The following HMG20A variants were observed in gnomAD, a reference collection of about 807,000 sequenced individuals.
HMG20A encodes high mobility group protein 20A.
A neutral mutation model predicts 43.9 loss-of-function variants in HMG20A; 17 were observed. That is an observed-to-expected ratio of 0.39 (90% CI 0.27 to 0.58). The LOEUF is 0.58. Among genes scored for constraint, HMG20A ranks in the 20% least tolerant of loss-of-function variants. HMG20A has a pLI of 0.59. For synonymous variants in HMG20A, 132 were observed against 147.5 expected, an observed-to-expected ratio of 0.89 and a Z score of 0.76; for missense variants, 341 against 438.2, an observed-to-expected ratio of 0.78 and a Z score of 1.98.
chr15:77,463,092 C>T (rs1408685923), intron 2 of HMG20A, among the ~76,000 whole-genome samples: 3 of 152,002 alleles, frequency 2.0e-5, no homozygotes, highest in Admixed American at 6.5e-5. Context: ...TTAAGTATCT[C>T]TTAACTGTCC....
chr15:77,509,555 CGTGTGT>C, the HMG20A span, among the ~76,000 whole-genome samples: 33,517 of 115,026 alleles, frequency 0.29, 5,054 homozygotes, highest in Middle Eastern at 0.34. Context: ...TGTGCCCAGC[CGTGTGT>C]GTGTGTGTGT....
chr15:77,429,412 T>A (rs1251198440), intron 1 of HMG20A, among the ~76,000 whole-genome samples: 1 of 152,012 alleles, frequency 6.6e-6, no homozygotes, highest in Admixed American at 6.6e-5. Context: ...TATCTCCTTT[T>A]TTTCCCCCAT....
At chr15:77,431,546 A>G (rs1374592714) in intron 1 of HMG20A, among the ~76,000 whole-genome samples, 2 of 152,006 alleles carry the variant, frequency 1.3e-5, no homozygotes, top group East Asian at 1.9e-4. Flanking sequence ...CAAAAATTAT[A>G]TGTATTTATC....
the HMG20A span, among the ~76,000 whole-genome samples, chr15:77,495,031 TG>T: frequency 6.6e-6 from 1 of 152,228 alleles, no homozygotes; most frequent in Admixed American, 6.5e-5. Flanking sequence ...GCATCGAATC[TG>T]AAAATGAAGT....
chr15:77,463,481 CA>C (rs1362922350), intron 2 of HMG20A, among the ~76,000 whole-genome samples: 1 of 152,128 alleles, frequency 6.6e-6, no homozygotes, highest in African/African-American at 2.4e-5. Flanking sequence ...CGATCAAAAA[CA>C]AAAACAAAAA....
rs1368371153 is a variant in HMG20A, at chr15:77,451,214, C to T, written c.-4-7190C>T. On this transcript the variant is annotated intron_variant, in intron 1 of 9. Transcript: ENST00000336216. Reference sequence around the variant, plus strand: ...GTTTTGGCAATTATGAATAAAGCTACTATAAACATCTGTGTGCAGGTTTTT... The same window carrying T: ...GTTTTGGCAATTATGAATAAAGCTATTATAAACATCTGTGTGCAGGTTTTT... 2.0e-5 allele frequency among the ~76,000 whole-genome samples: 3 copies of T among 152,186 alleles called. No homozygotes were observed. In the East Asian group the frequency reaches 5.8e-4, roughly 29 times the overall value.
chr15:77,470,599 A>T (rs888305377), intron 4 of HMG20A, among the ~76,000 whole-genome samples: 3 of 152,234 alleles, frequency 2.0e-5, no homozygotes. Context: ...CTATCTATAG[A>T]GTTAGAAGAA....
the HMG20A span, among the ~76,000 whole-genome samples, chr15:77,507,550 G>C: frequency 2.0e-5 from 3 of 152,212 alleles, no homozygotes; most frequent in African/African-American, 7.2e-5. Context: ...GAAGTGGGAC[G>C]CAAGCAAAGA....
At chr15:77,464,530 G>T (rs901180333) in intron 3 of HMG20A, 143 bp downstream of exon 3, 31 of 634,996 alleles carry the variant, frequency 4.9e-5, no homozygotes, top group Admixed American at 9.1e-5. Context: ...TCTATTTCTT[G>T]TTTTATACGG....
At chr15:77,467,679 C>T (rs1164915518) in intron 4 of HMG20A, among the ~76,000 whole-genome samples, 4 of 152,180 alleles carry the variant, frequency 2.6e-5, no homozygotes, top group Non-Finnish European at 5.9e-5. Flanking sequence ...CACAATTCTG[C>T]AGTTCACATA....
At chr15:77,465,104 T>C (rs891120738) in intron 3 of HMG20A, among the ~76,000 whole-genome samples, 1 of 151,392 alleles carries the variant, frequency 6.6e-6, no homozygotes, top group African/African-American at 2.4e-5. Flanking sequence ...TACTAAAAAA[T>C]ACAAAAAATT....
rs1339938949 is a variant in HMG20A at position 77,478,426 on chromosome 15, C to T, written c.823C>T (p.Arg275Trp). 3 of 1,612,728 alleles carry T rather than the reference C, an allele frequency of 1.9e-6. No individual in the cohort carries two copies. Among genetic ancestry groups the T allele is most frequent in the Non-Finnish European group, 1.7e-6 (2 of 1,180,048 alleles). ...GCTGGAGGTGGATGTGATCCAGGAG[C>T]GGAGCCGCAACACAGTCTTACAGCA... ...EKLEVDVIQE[R>W]SRNTVLQQHL... Residue 275 changes from arginine (R) to tryptophan (W), a missense_variant, in exon 8 of 10, where the codon CGG becomes TGG. By Grantham distance (101) the Arg-to-Trp change is moderately radical. Around this residue, in one of 3 missense-constraint regions of HMG20A, gnomAD observed 118 missense variants for 154.5 expected, o/e 0.76. Coordinates refer to ENST00000336216, the MANE Select transcript of HMG20A (RefSeq NM_001304504.2).
chr15:77,465,992 T>A (rs2072753606), intron 3 of HMG20A, among the ~76,000 whole-genome samples: 3 of 152,230 alleles, frequency 2.0e-5, no homozygotes, highest in Admixed American at 2.0e-4. Flanking sequence ...ACATCAGTGG[T>A]ACCTCAGTCC....
the HMG20A span, among the ~76,000 whole-genome samples, chr15:77,510,725 T>G: frequency 6.6e-6 from 1 of 152,150 alleles, no homozygotes; most frequent in Non-Finnish European, 1.5e-5. Context: ...CTTGGGAGTG[T>G]GGAGGCTGAG....
the HMG20A span, among the ~76,000 whole-genome samples, chr15:77,506,077 A>C: frequency 4.8e-5 from 7 of 145,442 alleles, no homozygotes; most frequent in Non-Finnish European, 1.0e-4. Context: ...AGTTAGCAAA[A>C]AAAAAAAAAA....
At chr15:77,461,688 C>T (rs1253055183) in intron 2 of HMG20A, among the ~76,000 whole-genome samples, 1 of 152,096 alleles carries the variant, frequency 6.6e-6, no homozygotes, top group Non-Finnish European at 1.5e-5. Context: ...ATTGTGAATT[C>T]CCATGTGAAT....
chr15:77,479,399 T>C (rs2072887123), intron 9 of HMG20A, 78 bp downstream of exon 9: 2 of 1,371,708 alleles, frequency 1.5e-6, no homozygotes, highest in Admixed American at 2.0e-5. Context: ...TCAATACTAC[T>C]AAAACCCTGG....
intron 1 of HMG20A, among the ~76,000 whole-genome samples, chr15:77,441,087 A>G (rs1433105266): frequency 1.2e-4 from 19 of 152,136 alleles, no homozygotes. Context: ...TACCTGCTTT[A>G]TTTACACAGA....
chr15:77,471,708 G>T, intron 5 of HMG20A, 75 bp from the exon 6 acceptor site: 1 of 881,064 alleles, frequency 1.1e-6, no homozygotes. Flanking sequence ...TTATAGTTTG[G>T]CAGAGTCGTA....
Sources: allele counts gnomAD v4.1 joint callset (sites outside exome capture counted in the v4.1 genomes callset), GRCh38; gene constraint gnomAD v4.1.1; regional missense constraint gnomAD v4.1.1; transcripts MANE v1.5; gene names NCBI Gene and HGNC (gene_info 2026-07-23, HGNC 2026-07-21).